The following PTPRD variants were observed in gnomAD, a reference collection of about 807,000 sequenced individuals.
The protein encoded by PTPRD is protein tyrosine phosphatase receptor type D.
PTPRD carries 34 observed loss-of-function variants against 214.5 expected under a neutral mutation model. The ratio of observed to expected loss-of-function variants is 0.16; its 90% CI spans 0.12 to 0.21. The LOEUF is 0.21. Among genes scored for constraint, PTPRD ranks in the 10% least tolerant of loss-of-function variants. PTPRD has a pLI of 1.00. For synonymous variants in PTPRD, 1,128 were observed against 845.7 expected, an observed-to-expected ratio of 1.33 and a Z score of -5.79; for missense variants, 2,545 against 2,398.7, an observed-to-expected ratio of 1.06 and a Z score of -1.27.
chr9:9,411,542 A>G (rs1440764364), intron 8 of PTPRD, among the ~76,000 whole-genome samples: 1 of 152,196 alleles, frequency 6.6e-6, no homozygotes, highest in East Asian at 1.9e-4. Context: ...ACTACTAGGC[A>G]TCATTGAAAT....
chr9:8,487,336 G>C (rs147895145), intron 27 of PTPRD, among the ~76,000 whole-genome samples: 1 of 152,140 alleles, frequency 6.6e-6, no homozygotes, highest in Non-Finnish European at 1.5e-5. Flanking sequence ...GTATTATTAT[G>C]TCTGTATTTA....
intron 14 of PTPRD, among the ~76,000 whole-genome samples, chr9:8,542,490 G>A (rs2078730715): frequency 6.6e-6 from 1 of 152,150 alleles, no homozygotes; most frequent in South Asian, 2.1e-4. Context: ...GAGGAATGAA[G>A]GAGAATTATC....
intron 10 of PTPRD, among the ~76,000 whole-genome samples, chr9:9,156,842 CA>C (rs1302636089): frequency 6.6e-6 from 1 of 152,144 alleles, no homozygotes; most frequent in African/African-American, 2.4e-5. Flanking sequence ...AAGTGTTACT[CA>C]TCGTTTCTAT....
At chr9:8,628,607 A>T (rs1190198756) in intron 14 of PTPRD, among the ~76,000 whole-genome samples, 2 of 146,642 alleles carry the variant, frequency 1.4e-5, no homozygotes, top group Non-Finnish European at 3.0e-5. Flanking sequence ...CCCAATGCAT[A>T]TCAGGCCAAA....
chr9:9,047,200 A>C (rs2099674406), intron 10 of PTPRD, among the ~76,000 whole-genome samples: 1 of 152,098 alleles, frequency 6.6e-6, no homozygotes, highest in Non-Finnish European at 1.5e-5. Context: ...TAACCAAACA[A>C]GTGAAAAATC....
intron 35 of PTPRD, among the ~76,000 whole-genome samples, chr9:8,413,877 T>C (rs529898463): frequency 1.3e-5 from 2 of 152,254 alleles, no homozygotes; most frequent in Non-Finnish European, 2.9e-5. Flanking sequence ...AGTTTTACAT[T>C]GTAAAATTAG....
At chr9:9,769,303 T>G (rs1428083590) in intron 5 of PTPRD, among the ~76,000 whole-genome samples, 2 of 148,470 alleles carry the variant, frequency 1.3e-5, no homozygotes, top group Non-Finnish European at 3.0e-5. Flanking sequence ...TAAACTATGT[T>G]TTAACCAGAA....
intron 4 of PTPRD, among the ~76,000 whole-genome samples, chr9:10,018,215 G>A (rs953569890): frequency 6.6e-6 from 1 of 151,902 alleles, no homozygotes; most frequent in Non-Finnish European, 1.5e-5. Context: ...AGGAGTAGGA[G>A]GAAGGGGAGG....
chr9:9,475,864 G>A (rs1037497507), intron 8 of PTPRD, among the ~76,000 whole-genome samples: 1 of 152,124 alleles, frequency 6.6e-6, no homozygotes, highest in African/African-American at 2.4e-5. Flanking sequence ...AGATCACACA[G>A]CTCTAGAAAT....
At chr9:8,408,953 C>A (rs1320619466) in intron 35 of PTPRD, among the ~76,000 whole-genome samples, 1 of 152,132 alleles carries the variant, frequency 6.6e-6, no homozygotes, top group Admixed American at 6.5e-5. Flanking sequence ...TTTATTTAGT[C>A]TTTAACTTGA....
At chr9:8,929,721 A>G (rs866292051) in intron 11 of PTPRD, among the ~76,000 whole-genome samples, 4 of 77,390 alleles carry the variant, frequency 5.2e-5, no homozygotes, top group South Asian at 3.9e-4. Flanking sequence ...ATATATGTGT[A>G]TATATATATG....
At chr9:10,344,255 A>G (rs2097017185) in intron 2 of PTPRD, among the ~76,000 whole-genome samples, 1 of 151,966 alleles carries the variant, frequency 6.6e-6, no homozygotes. Flanking sequence ...ATGGCTAGCC[A>G]GTTTTCCCAG....
At chr9:9,699,292 T>C (rs775312309) in intron 7 of PTPRD, among the ~76,000 whole-genome samples, 1 of 152,148 alleles carries the variant, frequency 6.6e-6, no homozygotes, top group Non-Finnish European at 1.5e-5. Flanking sequence ...ATGGCAATAA[T>C]CAAGATCTAA....
intron 3 of PTPRD, among the ~76,000 whole-genome samples, chr9:10,278,952 T>C (rs1052906567): frequency 6.6e-6 from 1 of 152,052 alleles, no homozygotes; most frequent in Non-Finnish European, 1.5e-5. Context: ...TTTTTTGTAT[T>C]TTTAGTAGAG....
At chr9:9,881,129 A>G (rs755829481) in intron 5 of PTPRD, among the ~76,000 whole-genome samples, 3 of 152,126 alleles carry the variant, frequency 2.0e-5, no homozygotes, top group Admixed American at 2.0e-4. Context: ...TTCACTCAAT[A>G]ATTTTTTTAA....
At chr9:8,328,660 G>A (rs1015330661) in intron 44 of PTPRD, among the ~76,000 whole-genome samples, 2 of 151,648 alleles carry the variant, frequency 1.3e-5, no homozygotes, top group African/African-American at 4.8e-5. Context: ...TCACTTTCAG[G>A]TAAACCAATC....
At chr9:8,460,044 T>C (rs1260242357) in intron 33 of PTPRD, among the ~76,000 whole-genome samples, 2 of 152,128 alleles carry the variant, frequency 1.3e-5, no homozygotes, top group Non-Finnish European at 2.9e-5. Context: ...AAAAACACAC[T>C]GAAATCGAGC....
At chr9:10,426,627 T>C (rs1313768748) in intron 2 of PTPRD, among the ~76,000 whole-genome samples, 1 of 152,050 alleles carries the variant, frequency 6.6e-6, no homozygotes, top group Non-Finnish European at 1.5e-5. Flanking sequence ...AAAGAGATGT[T>C]CCCTCTGACT....
intron 3 of PTPRD, among the ~76,000 whole-genome samples, chr9:10,316,765 A>AT (rs2096445532): frequency 6.6e-6 from 1 of 151,920 alleles, no homozygotes; most frequent in Admixed American, 6.6e-5. Context: ...TCTAAAAAAG[A>AT]TTTTTTAGAT....
Sources: allele counts gnomAD v4.1 joint callset (sites outside exome capture counted in the v4.1 genomes callset), GRCh38; gene constraint gnomAD v4.1.1; transcripts MANE v1.5; gene names NCBI Gene and HGNC (gene_info 2026-07-23, HGNC 2026-07-21).